The following EHD4 variants were observed in gnomAD, a reference collection of about 807,000 sequenced individuals.
The protein encoded by EHD4 is EH domain-containing protein 4.
A neutral mutation model predicts 51.0 loss-of-function variants in EHD4; 37 were observed. The ratio of observed to expected loss-of-function variants is 0.73; its 90% CI spans 0.56 to 0.95. The LOEUF (loss-of-function observed/expected upper bound fraction) is 0.95, where lower values mean the gene tolerates loss of function less well. Ranked by LOEUF, EHD4 falls within the 40% of genes least tolerant of loss-of-function variation. EHD4 has a pLI of 0.00. For synonymous variants in EHD4, 297 were observed against 317.3 expected (o/e 0.94, Z 0.68); for missense variants, 632 against 733.1 (o/e 0.86, Z 1.59).
intron 2 of EHD4, among the ~76,000 whole-genome samples, chr15:41,952,330 G>A (rs1026587586): frequency 1.3e-5 from 2 of 152,176 alleles, no homozygotes; most frequent in African/African-American, 4.8e-5. Flanking sequence ...TCTCCCTAAA[G>A]AGGCTCGGAT....
chr15:41,901,321 C>T, intron 5 of EHD4, 140 bp from the exon 6 acceptor site: 2 of 814,112 alleles, frequency 2.5e-6, no homozygotes, highest in Non-Finnish European at 1.8e-6. Context: ...GGGAGCTTCC[C>T]ACATCCAGAT....
At chr15:41,928,849 C>G (rs1266559582) in intron 3 of EHD4, 2 of 152,274 alleles carry the variant, frequency 1.3e-5, no homozygotes, top group Non-Finnish European at 1.5e-5. Flanking sequence ...ATGAATGGCT[C>G]TGCTCCACTG....
At chr15:41,960,768 G>A (rs1252520023) in intron 1 of EHD4, among the ~76,000 whole-genome samples, 1 of 151,302 alleles carries the variant, frequency 6.6e-6, no homozygotes, top group Non-Finnish European at 1.5e-5. Context: ...CTGCCTCCTG[G>A]GTTCAAGTGA....
At chr15:41,907,711 G>A (rs568210399) in intron 5 of EHD4, among the ~76,000 whole-genome samples, 4 of 151,952 alleles carry the variant, frequency 2.6e-5, no homozygotes, top group Admixed American at 1.3e-4. Flanking sequence ...CTGCAGAGAC[G>A]GGGTTTCACT....
rs1001465092 is a variant in EHD4 at position 41,909,749 on chromosome 15, G to A, written c.1039C>T (p.Arg347Ter). Residue 347 changes from arginine (R) to a stop codon, truncating the protein, a stop_gained, in exon 5 of 6, where the codon CGA becomes TGA. Transcript: ENST00000220325. LOFTEE classifies it high-confidence loss of function. ...RLPEIYIQLQ[R>*]EYQISAGDFP... ...TCCCCTGCAGAAATCTGGTATTCTC[G>A]CTGTAGCTGAATGTAGATTTCCGGT... is the stretch of plus-strand genomic sequence containing the variant. The A allele has an allele frequency of 1.9e-6, 3 of 1,614,140 alleles. No individual in the cohort carries two copies. Among genetic ancestry groups the A allele is most frequent in the South Asian group, 1.1e-5 (1 of 91,082 alleles).
At chr15:41,940,553 T>C (rs148848480) in intron 3 of EHD4, among the ~76,000 whole-genome samples, 152 of 152,348 alleles carry the variant, frequency 1.0e-3, no homozygotes, top group African/African-American at 3.5e-3. Context: ...ACCACAGCTG[T>C]GGCCCGTCGT....
At chr15:41,904,827 T>G (rs747487550) in intron 5 of EHD4, among the ~76,000 whole-genome samples, 1 of 152,228 alleles carries the variant, frequency 6.6e-6, no homozygotes, top group Non-Finnish European at 1.5e-5. Context: ...GTATTAACAC[T>G]GTGCTGTCAG....
intron 3 of EHD4, among the ~76,000 whole-genome samples, chr15:41,935,076 G>C (rs769640749): frequency 1.3e-5 from 2 of 152,004 alleles, no homozygotes; most frequent in African/African-American, 4.8e-5. Flanking sequence ...TGCCTTCCCC[G>C]AATCTGCCAG....
chr15:41,951,613 T>C (rs1226623982), intron 2 of EHD4, among the ~76,000 whole-genome samples: 1 of 152,198 alleles, frequency 6.6e-6, no homozygotes, highest in East Asian at 1.9e-4. Flanking sequence ...GTTAAGCCTT[T>C]GTTGGGCAAA....
chr15:41,936,843 C>T (rs16972296), intron 3 of EHD4, among the ~76,000 whole-genome samples: 14,492 of 152,240 alleles, frequency 0.095, 836 homozygotes, highest in South Asian at 0.26. Flanking sequence ...AGTCTGGATG[C>T]GTTTGTCAAA....
At chr15:41,905,202 C>T (rs2067504522) in intron 5 of EHD4, among the ~76,000 whole-genome samples, 1 of 152,208 alleles carries the variant, frequency 6.6e-6, no homozygotes, top group Non-Finnish European at 1.5e-5. Flanking sequence ...AGCAAGCTAG[C>T]TTGCAGTATC....
chr15:41,971,855 A>G (rs977520735), intron 1 of EHD4, among the ~76,000 whole-genome samples: 1 of 152,210 alleles, frequency 6.6e-6, no homozygotes, highest in African/African-American at 2.4e-5. Context: ...ATAGTTAAAC[A>G]AACTCTCCAA....
chr15:41,940,034 G>T (rs2067758589), intron 3 of EHD4, among the ~76,000 whole-genome samples: 1 of 152,020 alleles, frequency 6.6e-6, no homozygotes, highest in Non-Finnish European at 1.5e-5. Flanking sequence ...GGCCAAGCTG[G>T]TCTCTAACTC....
intron 2 of EHD4, among the ~76,000 whole-genome samples, chr15:41,946,115 A>G (rs2067812524): frequency 6.6e-6 from 1 of 152,214 alleles, no homozygotes; most frequent in South Asian, 2.1e-4. Flanking sequence ...TGCTGTCCCA[A>G]GATGGATTTC....
intron 2 of EHD4, among the ~76,000 whole-genome samples, chr15:41,949,051 T>TATATATATATATATATATATATATAC (rs1491135423): frequency 1.3e-4 from 14 of 109,402 alleles, no homozygotes; most frequent in Non-Finnish European, 2.0e-4. Context: ...TATATATATA[T>TATATATATATATATATATATATATAC]ACACACATAC....
chr15:41,955,635 C>T (rs542418309), intron 1 of EHD4, among the ~76,000 whole-genome samples: 162 of 152,188 alleles, frequency 1.1e-3, no homozygotes, highest in Non-Finnish European at 1.5e-3. Flanking sequence ...AAAATATCTT[C>T]AAGAGTTTCT....
chr15:41,951,812 A>T (rs888238890), intron 2 of EHD4, among the ~76,000 whole-genome samples: 9 of 151,850 alleles, frequency 5.9e-5, no homozygotes, highest in Non-Finnish European at 7.4e-5. Flanking sequence ...CCAGGGCTTA[A>T]CCCCCTCTCC....
In EHD4 at chr15:41,919,204, G is replaced by A. The variant is rs1327951318; in HGVS notation, c.924+6C>T. On this transcript the variant is annotated splice_donor_region_variant and intron_variant, in intron 4 of 5. Coordinates refer to ENST00000220325, the MANE Select transcript of EHD4 (RefSeq NM_139265.4). Reference sequence around the variant, plus strand: ...TGGCCTCTGTGCAAGGCATCTCCTGGCTTACCTTGGCCAGCCTCGCTCGCT... The same window carrying A: ...TGGCCTCTGTGCAAGGCATCTCCTGACTTACCTTGGCCAGCCTCGCTCGCT... 6.2e-7 allele frequency: 1 copy of A among 1,613,456 alleles called. No individual in the cohort carries two copies. The highest frequency in any genetic ancestry group is 8.5e-7 in the Non-Finnish European group (1 of 1,180,034).
intron 1 of EHD4, among the ~76,000 whole-genome samples, chr15:41,968,137 T>A (rs78141963): frequency 6.6e-6 from 1 of 152,306 alleles, no homozygotes; most frequent in East Asian, 1.9e-4. Context: ...AAAGGCTTTT[T>A]TAATGTCCAA....
Sources: allele counts gnomAD v4.1 joint callset (sites outside exome capture counted in the v4.1 genomes callset), GRCh38; gene constraint gnomAD v4.1.1; transcripts MANE v1.5; gene names NCBI Gene and HGNC (gene_info 2026-07-23, HGNC 2026-07-21).